Variants in ZYG11B observed in about 807,000 individuals in gnomAD.
The protein encoded by ZYG11B is zyg-11 family member B, cell cycle regulator.
In ZYG11B, 36 loss-of-function variants were observed where a neutral mutation model predicts 82.4. That is an observed-to-expected ratio of 0.44 (90% CI 0.33 to 0.58). The LOEUF (loss-of-function observed/expected upper bound fraction) is 0.58. Among genes scored for constraint, ZYG11B ranks in the 20% least tolerant of loss-of-function variants. The pLI is 0.02. For synonymous variants in ZYG11B, 303 were observed against 312.8 expected (o/e 0.97, Z 0.33); for missense variants, 552 against 895.6 (o/e 0.62, Z 4.90).
chr1:52,796,967 A>T (rs12049519), intron 8 of ZYG11B, among the ~76,000 whole-genome samples, 183 bp downstream of exon 8: 8 of 78,162 alleles, frequency 1.0e-4, no homozygotes, highest in East Asian at 4.9e-4. Context: ...TATTATATAT[A>T]ATATATATAA....
At chr1:52,803,320 C>G (rs1358602604) in intron 10 of ZYG11B, among the ~76,000 whole-genome samples, 2 of 129,248 alleles carry the variant, frequency 1.5e-5, no homozygotes, top group African/African-American at 5.8e-5. Flanking sequence ...ACATATAATC[C>G]CATCTACTTG....
At chr1:52,783,588 G>A (rs966571085) in intron 4 of ZYG11B, among the ~76,000 whole-genome samples, 3 of 149,094 alleles carry the variant, frequency 2.0e-5, no homozygotes, top group African/African-American at 7.4e-5. Context: ...TTCTTTTCTG[G>A]TTGCTTCAGT....
intron 2 of ZYG11B, 41 bp downstream of exon 2, chr1:52,756,664 AATTAG>A: frequency 6.3e-7 from 1 of 1,575,802 alleles, no homozygotes; most frequent in Non-Finnish European, 8.6e-7. Context: ...ATGTGCTGTT[AATTAG>A]ATTTGATTTT....
chr1:52,806,573 T>C (rs1262326358), intron 10 of ZYG11B, among the ~76,000 whole-genome samples: 1 of 152,036 alleles, frequency 6.6e-6, no homozygotes, highest in Non-Finnish European at 1.5e-5. Context: ...AATGACTTTC[T>C]TTACCCCTGC....
intron 4 of ZYG11B, among the ~76,000 whole-genome samples, chr1:52,783,141 G>A (rs1037802676): frequency 6.6e-6 from 1 of 151,396 alleles, no homozygotes; most frequent in Non-Finnish European, 1.5e-5. Flanking sequence ...TGGCCAGGCT[G>A]GTCTCGAACT....
At chr1:52,820,777 C>T (rs1274458137) in intron 13 of ZYG11B, among the ~76,000 whole-genome samples, 1 of 144,996 alleles carries the variant, frequency 6.9e-6, no homozygotes, top group Non-Finnish European at 1.5e-5. Context: ...ATTGTATGTG[C>T]AGTATGAGTG....
chr1:52,749,442 G>A lies in ZYG11B; in HGVS notation c.31-7016G>A, dbSNP rs113903188. Among the ~76,000 whole-genome samples, 790 of 152,194 alleles carry A rather than the reference G, an allele frequency of 5.2e-3. 7 individuals are homozygous for A. The highest frequency in any genetic ancestry group is 0.018 in the African/African-American group (767 of 41,538). ...TTGGAACTAGCTAGGAAAATGTTTC[G>A]AATACCTTGCTAAAGTGTTTATACT... On this transcript the variant is annotated intron_variant, in intron 1 of 13. Coordinates refer to ENST00000294353, the MANE Select transcript of ZYG11B (RefSeq NM_024646.3).
At chr1:52,731,637 A>G (rs1644333362) in intron 1 of ZYG11B, among the ~76,000 whole-genome samples, 1 of 152,158 alleles carries the variant, frequency 6.6e-6, no homozygotes, top group Non-Finnish European at 1.5e-5. Context: ...CATGGGGTAC[A>G]GGGAGGGGAT....
At chr1:52,784,598 A>G (rs1423938667) in intron 4 of ZYG11B, among the ~76,000 whole-genome samples, 2 of 152,228 alleles carry the variant, frequency 1.3e-5, no homozygotes, top group African/African-American at 4.8e-5. Flanking sequence ...AACAGGCACC[A>G]TAAGTAGGTC....
At chr1:52,759,654 A>G (rs574225099) in intron 2 of ZYG11B, among the ~76,000 whole-genome samples, 1 of 152,186 alleles carries the variant, frequency 6.6e-6, no homozygotes, top group Non-Finnish European at 1.5e-5. Context: ...TCTTTATACA[A>G]ATCATTTCCA....
At chr1:52,772,591 G>T (rs894424402) in intron 3 of ZYG11B, 3 of 1,486,418 alleles carry the variant, frequency 2.0e-6, no homozygotes, top group Non-Finnish European at 1.9e-6. Flanking sequence ...GGGAAGCTGC[G>T]TCGATAGGGT....
At chr1:52,734,032 T>C (rs1644357450) in intron 1 of ZYG11B, among the ~76,000 whole-genome samples, 2 of 152,182 alleles carry the variant, frequency 1.3e-5, no homozygotes, top group Non-Finnish European at 2.9e-5. Context: ...AGGGTCTTGC[T>C]CTGTGGCCCA....
chr1:52,793,536 A>G (rs1644976695), intron 6 of ZYG11B, among the ~76,000 whole-genome samples: 1 of 152,144 alleles, frequency 6.6e-6, no homozygotes, highest in African/African-American at 2.4e-5. Context: ...TTGGAATCCA[A>G]GCTGACTCCA....
chr1:52,796,530 C>T, intron 7 of ZYG11B, 139 bp downstream of exon 7: 4 of 929,172 alleles, frequency 4.3e-6, no homozygotes, highest in Admixed American at 2.5e-5. Context: ...TTCGATATTG[C>T]AGAATTTGGC....
chr1:52,815,708 G>A (rs961395138), intron 12 of ZYG11B, among the ~76,000 whole-genome samples: 2 of 152,108 alleles, frequency 1.3e-5, no homozygotes, highest in Non-Finnish European at 1.5e-5. Flanking sequence ...GCCGAGGCGG[G>A]CAGATCACGA....
In ZYG11B at chr1:52,771,902, G is replaced by A. The variant is rs1464136469; in HGVS notation, c.951+128G>A. 5.2e-6 allele frequency: 6 copies of A among 1,147,470 alleles called. No homozygotes were observed. The East Asian group carries it at 7.3e-5, about 14-fold the overall frequency. 71.1% of individuals were successfully genotyped at this position (1,147,470 alleles called of 1,614,324 possible). A position where few individuals can be genotyped will look rare whatever the true frequency, so the allele number is the denominator to read the frequency against. ...AAACAGGGCTGCATATAGTTGAAAG[G>A]CTTAGAGTCCTAATTAAAATCTCAG... On this transcript the variant is annotated intron_variant, in intron 3 of 13. Coordinates refer to ENST00000294353, the MANE Select transcript of ZYG11B (RefSeq NM_024646.3). This position sits in a 1 kb window ranked among gnomAD's most constrained non-coding sequence, Gnocchi z 5.4.
chr1:52,797,202 TTA>T (rs1176309572), intron 8 of ZYG11B, among the ~76,000 whole-genome samples: 1,226 of 77,948 alleles, frequency 0.016, 41 homozygotes, highest in African/African-American at 0.064. Context: ...TATAAATTAT[TTA>T]TATATAATAT....
chr1:52,745,952 G>A (rs1223611790), intron 1 of ZYG11B, among the ~76,000 whole-genome samples: 3 of 148,222 alleles, frequency 2.0e-5, no homozygotes, highest in Non-Finnish European at 4.4e-5. Context: ...AGAATCGCTT[G>A]AATATTTAAC....
intron 6 of ZYG11B, among the ~76,000 whole-genome samples, chr1:52,791,508 A>G (rs1644959464): frequency 6.6e-6 from 1 of 152,040 alleles, no homozygotes; most frequent in African/African-American, 2.4e-5. Flanking sequence ...AGCTGGGATT[A>G]CAGGCATGTG....
Sources: gnomAD v4.1 joint callset for allele counts (sites outside exome capture counted in the v4.1 genomes callset) on GRCh38, gnomAD v4.1.1 for gene constraint, Gnocchi (gnomAD v3.1) non-coding constraint, MANE v1.5 for transcripts, NCBI Gene and HGNC (gene_info 2026-07-23, HGNC 2026-07-21) for gene names.